Variants in ELAVL2 observed in about 807,000 individuals in gnomAD.
ELAVL2 encodes the protein ELAV-like protein 2.
ELAVL2 carries 4 observed loss-of-function variants against 34.6 expected under a neutral mutation model. The observed-to-expected ratio is 0.12, with a 90% CI of 0.06 to 0.26. ELAVL2 has a LOEUF of 0.26. Ranked by LOEUF, ELAVL2 falls within the 10% of genes least tolerant of loss-of-function variation. ELAVL2 has a pLI of 1.00. For synonymous variants in ELAVL2, 193 were observed against 154.8 expected, an observed-to-expected ratio of 1.25 and a Z score of -1.83; for missense variants, 432 against 442.8, an observed-to-expected ratio of 0.98 and a Z score of 0.22.
the ELAVL2 span, among the ~76,000 whole-genome samples, chr9:23,836,544 G>T: frequency 6.6e-6 from 1 of 152,122 alleles, no homozygotes; most frequent in Non-Finnish European, 1.5e-5. Context: ...ATACATGAAA[G>T]TTTGAGCCTC....
chr9:23,811,997 TC>T (rs1229079503), intron 1 of ELAVL2, among the ~76,000 whole-genome samples: 5 of 152,240 alleles, frequency 3.3e-5, no homozygotes, highest in Admixed American at 3.3e-4. Flanking sequence ...CACAGTCCTG[TC>T]CCTAAAGCAA....
chr9:23,772,961 GCTTT>G (rs1374098165), intron 1 of ELAVL2, among the ~76,000 whole-genome samples: 1 of 152,024 alleles, frequency 6.6e-6, no homozygotes, highest in Non-Finnish European at 1.5e-5. Context: ...CCCAAAGACA[GCTTT>G]CTTTAAAAAC....
the ELAVL2 span, among the ~76,000 whole-genome samples, chr9:23,838,696 T>C: frequency 6.6e-6 from 1 of 152,178 alleles, no homozygotes; most frequent in Non-Finnish European, 1.5e-5. Flanking sequence ...AATCATTTCT[T>C]TTTCCCTATT....
At chr9:23,812,289 TC>T (rs1172792432) in intron 1 of ELAVL2, among the ~76,000 whole-genome samples, 2 of 152,060 alleles carry the variant, frequency 1.3e-5, no homozygotes, top group Admixed American at 1.3e-4. Context: ...GAACATAATC[TC>T]AACACAAAAC....
At chr9:23,719,692 T>C (rs993614789) in intron 3 of ELAVL2, among the ~76,000 whole-genome samples, 2 of 152,046 alleles carry the variant, frequency 1.3e-5, no homozygotes, top group African/African-American at 4.8e-5. Context: ...GCTCTTATAA[T>C]AGAGCAAATT....
intron 2 of ELAVL2, among the ~76,000 whole-genome samples, chr9:23,735,011 A>G (rs1335730937): frequency 1.3e-5 from 2 of 150,668 alleles, no homozygotes; most frequent in African/African-American, 4.9e-5. Flanking sequence ...AAAAAGTTTT[A>G]TAAGATGCTA....
chr9:23,791,434 C>T (rs976008082), intron 1 of ELAVL2, among the ~76,000 whole-genome samples: 2 of 152,118 alleles, frequency 1.3e-5, no homozygotes, highest in African/African-American at 2.4e-5. Context: ...CATGTTGAAA[C>T]CATAATCTCC....
chr9:23,737,560 G>C (rs1200102417), intron 2 of ELAVL2, among the ~76,000 whole-genome samples: 1 of 152,144 alleles, frequency 6.6e-6, no homozygotes, highest in Non-Finnish European at 1.5e-5. Context: ...TAATTTTGTT[G>C]AAAGTACTTT....
At chr9:23,814,842 A>G (rs1425042089) in intron 1 of ELAVL2, among the ~76,000 whole-genome samples, 1 of 152,206 alleles carries the variant, frequency 6.6e-6, no homozygotes, top group Non-Finnish European at 1.5e-5. Context: ...GCTCAGAGAA[A>G]ACAAGATCAA....
intron 2 of ELAVL2, among the ~76,000 whole-genome samples, chr9:23,740,257 T>A (rs2048853940): frequency 6.6e-6 from 1 of 152,094 alleles, no homozygotes; most frequent in Non-Finnish European, 1.5e-5. Context: ...GCAACTAGGA[T>A]CCTTACATTA....
At chr9:23,764,223 T>A (rs2055712159) in intron 1 of ELAVL2, among the ~76,000 whole-genome samples, 2 of 152,160 alleles carry the variant, frequency 1.3e-5, no homozygotes, top group Admixed American at 1.3e-4. Context: ...GTGTAGAAAC[T>A]ACAAGAGACC....
intron 2 of ELAVL2, among the ~76,000 whole-genome samples, chr9:23,738,532 T>C (rs1290548276): frequency 1.3e-5 from 2 of 152,098 alleles, no homozygotes; most frequent in Admixed American, 1.3e-4. Flanking sequence ...CAAAGGACAT[T>C]ACCAGGGATT....
chr9:23,800,906 C>T (rs978843502), intron 1 of ELAVL2, among the ~76,000 whole-genome samples: 2 of 152,112 alleles, frequency 1.3e-5, no homozygotes, highest in Non-Finnish European at 2.9e-5. Context: ...CACAGGAAAA[C>T]TGGCATTAAC....
chr9:23,693,427 A>G (rs1223206940), intron 6 of ELAVL2, 21 bp downstream of exon 6: 1 of 1,613,762 alleles, frequency 6.2e-7, no homozygotes. Flanking sequence ...GATTATGAGT[A>G]TCATGAACCT....
At chr9:23,749,480 T>C (rs1264223080) in intron 2 of ELAVL2, among the ~76,000 whole-genome samples, 5 of 152,118 alleles carry the variant, frequency 3.3e-5, no homozygotes, top group Non-Finnish European at 4.4e-5. Context: ...GAGTTCAAGA[T>C]ACGCAGATGG....
At chr9:23,740,887 C>G (rs2049000012) in intron 2 of ELAVL2, among the ~76,000 whole-genome samples, 1 of 152,250 alleles carries the variant, frequency 6.6e-6, no homozygotes, top group Non-Finnish European at 1.5e-5. Flanking sequence ...CAAGACATTT[C>G]TCTCCTCAGC....
intron 1 of ELAVL2, 47 bp from the exon 2 acceptor site, chr9:23,762,296 C>A (rs1588213067): frequency 1.3e-6 from 2 of 1,582,244 alleles, no homozygotes; most frequent in Non-Finnish European, 8.6e-7. Context: ...ATTTCACAAC[C>A]TATTAGAGAC....
At chr9:23,808,805 T>C (rs74770718) in intron 1 of ELAVL2, among the ~76,000 whole-genome samples, 4,487 of 152,228 alleles carry the variant, frequency 0.029, 241 homozygotes, top group Admixed American at 0.12. Flanking sequence ...AAATTCCTTA[T>C]GGGTAAAGTT....
chr9:23,694,650 G>A (rs373056087), intron 5 of ELAVL2, among the ~76,000 whole-genome samples: 52 of 152,284 alleles, frequency 3.4e-4, no homozygotes, highest in African/African-American at 1.2e-3. Flanking sequence ...AAGTATACAT[G>A]CAAAAGCCAA....
Sources: allele counts gnomAD v4.1 joint callset (sites outside exome capture counted in the v4.1 genomes callset), GRCh38; gene constraint gnomAD v4.1.1; transcripts MANE v1.5; gene names NCBI Gene and HGNC (gene_info 2026-07-23, HGNC 2026-07-21).